Variants in KCNH1 observed in about 807,000 individuals in gnomAD.
KCNH1 encodes voltage-gated delayed rectifier potassium channel KCNH1.
KCNH1 carries 27 observed loss-of-function variants against 69.2 expected under a neutral mutation model. That is an observed-to-expected ratio of 0.39 (90% CI 0.29 to 0.54). The LOEUF (loss-of-function observed/expected upper bound fraction) is 0.54. Ranked by LOEUF, KCNH1 falls within the 20% of genes least tolerant of loss-of-function variation. The probability of loss-of-function intolerance (pLI) is 0.68; values close to 1 mark genes in which losing one functional copy is unlikely to be tolerated. For missense variants in KCNH1, 798 were observed against 1,261.6 expected (o/e 0.63, Z 5.57); for synonymous variants, 456 against 487.7 (o/e 0.93, Z 0.86).
At chr1:211,051,821 T>C (rs938558203) in intron 5 of KCNH1, among the ~76,000 whole-genome samples, 1 of 152,224 alleles carries the variant, frequency 6.6e-6, no homozygotes, top group Non-Finnish European at 1.5e-5. Flanking sequence ...ATTATACTTA[T>C]TTCATAAGAA....
intron 7 of KCNH1, among the ~76,000 whole-genome samples, chr1:210,911,756 A>T (rs1687236672): frequency 6.6e-6 from 1 of 152,182 alleles, no homozygotes; most frequent in South Asian, 2.1e-4. Flanking sequence ...AACTTGTTGT[A>T]AATTCCTCTG....
intron 6 of KCNH1, among the ~76,000 whole-genome samples, chr1:210,965,822 G>A (rs1688389296): frequency 6.6e-6 from 1 of 152,006 alleles, no homozygotes; most frequent in Non-Finnish European, 1.5e-5. Context: ...GTAATTGATA[G>A]ATTCAATGCT....
intron 10 of KCNH1, among the ~76,000 whole-genome samples, chr1:210,756,153 A>G (rs554657952): frequency 6.6e-6 from 1 of 152,244 alleles, no homozygotes; most frequent in Admixed American, 6.5e-5. Context: ...GCCTACTGCC[A>G]TCTGCCATAG....
intron 7 of KCNH1, among the ~76,000 whole-genome samples, chr1:210,914,632 G>A (rs896096644): frequency 6.6e-6 from 1 of 152,100 alleles, no homozygotes; most frequent in Non-Finnish European, 1.5e-5. Context: ...GTTGCTATGT[G>A]GGAGTTTCCA....
In KCNH1 at chr1:210,919,978, C is replaced by G; in HGVS notation, c.1124G>C (p.Gly375Ala). 1 of 1,614,146 alleles carries G rather than the reference C, an allele frequency of 6.2e-7. No individual in the cohort carries two copies. The highest frequency in any genetic ancestry group is 8.5e-7 in the Non-Finnish European group (1 of 1,180,020). ...CACCAGCAGGACCAGCACAGCAGCT[C>G]CATATTCAATGTAGTGGTCCAGCTT... ...ARKLDHYIEYGAAVLVLLVCV... is the reference protein window; with the variant it reads ...ARKLDHYIEYAAAVLVLLVCV... Residue 375 changes from glycine (G) to alanine (A), a missense_variant, in exon 7 of 11, where the codon GGA (glycine) becomes GCA (alanine). Gly to Ala is a moderately conservative substitution (Grantham distance 60, BLOSUM62 0). This residue lies in a region of KCNH1 where 4 missense variants were observed against 33.5 expected (regional missense o/e 0.12). Coordinates refer to ENST00000271751, the MANE Select transcript of KCNH1 (RefSeq NM_172362.3). The surrounding 1 kb of genome is among the most constrained non-coding windows in gnomAD (Gnocchi z 4.2).
intron 7 of KCNH1, among the ~76,000 whole-genome samples, chr1:210,821,280 T>C (rs2102426458): frequency 6.6e-6 from 1 of 152,316 alleles, no homozygotes; most frequent in East Asian, 1.9e-4. Flanking sequence ...ATAATGGAAC[T>C]GATATCACCA....
chr1:211,067,337 T>A (rs996274574), intron 5 of KCNH1, among the ~76,000 whole-genome samples: 1 of 152,192 alleles, frequency 6.6e-6, no homozygotes, highest in African/African-American at 2.4e-5. Flanking sequence ...AGCTGCTGGT[T>A]CCTAAGGGAC....
At chr1:210,686,109 A>G (rs1235649825) in intron 10 of KCNH1, among the ~76,000 whole-genome samples, 3 of 152,114 alleles carry the variant, frequency 2.0e-5, no homozygotes, top group Admixed American at 2.0e-4. Context: ...AACTGCCCCT[A>G]TAGTCTGCCT....
chr1:210,775,649 C>T, intron 9 of KCNH1, 105 bp from the exon 10 acceptor site: 1 of 765,092 alleles, frequency 1.3e-6, no homozygotes, highest in South Asian at 1.8e-5. Context: ...CAGCATTCTG[C>T]AGATTGGGCT....
chr1:210,908,771 T>C (rs1687166937), intron 7 of KCNH1, among the ~76,000 whole-genome samples: 1 of 152,144 alleles, frequency 6.6e-6, no homozygotes, highest in African/African-American at 2.4e-5. Flanking sequence ...CTGCTCTGGC[T>C]CAGCCACCCC....
At chr1:210,999,093 A>C (rs567955955) in intron 6 of KCNH1, among the ~76,000 whole-genome samples, 2 of 152,330 alleles carry the variant, frequency 1.3e-5, no homozygotes, top group South Asian at 4.1e-4. Flanking sequence ...CTGACATCAC[A>C]ATTAAAAGAA....
At chr1:211,016,359 A>G (rs1689491171) in intron 6 of KCNH1, among the ~76,000 whole-genome samples, 1 of 152,178 alleles carries the variant, frequency 6.6e-6, no homozygotes, top group Non-Finnish European at 1.5e-5. Context: ...CCAATTTTTA[A>G]TAAGAATCTG....
At position 211,018,890 on chromosome 1, in the gene KCNH1, T is replaced by G. The variant is rs2102414070; in HGVS notation, c.925A>C (p.Ile309Leu). Residue 309 changes from isoleucine to leucine, a missense_variant, in exon 6 of 11, where the codon ATC (isoleucine) becomes CTC (leucine). Physicochemically the swap from Ile to Leu is conservative, Grantham distance 5. This residue lies in a region of KCNH1 where 266 missense variants were observed against 457.2 expected (regional missense o/e 0.58). Transcript: ENST00000271751. ...TCATCCACGTTCTCAAAAGCGTTGA[T>G]GACATCATATGGCAAACAGGACAGA... ...DLLSCLPYDV[I>L]NAFENVDEVS... is the part of the protein sequence containing the mutation. 6.2e-7 allele frequency: 1 copy of G among 1,614,076 alleles called. No individual in the cohort carries two copies. The highest frequency in any genetic ancestry group is 8.5e-7 in the Non-Finnish European group (1 of 1,179,988).
rs183907111 is a variant in KCNH1 at position 210,914,522 on chromosome 1, G to A, written c.1462+5118C>T. ...CACAAAAGATACTGCTGGGCTGCAA[G>A]TGGGTAAGGTAATGGAGTCAAGTGT... On this transcript the variant is annotated intron_variant, in intron 7 of 10. Transcript: ENST00000271751. 2.6e-5 allele frequency among the ~76,000 whole-genome samples: 4 copies of A among 152,276 alleles called. No individual in the cohort carries two copies. The East Asian group carries it at 7.7e-4, about 29-fold the overall frequency.
At chr1:210,871,116 C>G (rs1278275553) in intron 7 of KCNH1, among the ~76,000 whole-genome samples, 1 of 152,156 alleles carries the variant, frequency 6.6e-6, no homozygotes, top group East Asian at 1.9e-4. Flanking sequence ...GAACAGGCAA[C>G]CTACAGAATG....
intron 6 of KCNH1, among the ~76,000 whole-genome samples, chr1:210,988,414 C>T (rs1244634361): frequency 6.6e-6 from 1 of 152,196 alleles, no homozygotes. Context: ...CCTATTCAGC[C>T]ATCTTGGCTC....
At chr1:210,711,430 G>T (rs909629456) in intron 10 of KCNH1, among the ~76,000 whole-genome samples, 1 of 152,154 alleles carries the variant, frequency 6.6e-6, no homozygotes, top group Non-Finnish European at 1.5e-5. Context: ...GCCTTAGCCC[G>T]GGGCCTATGG....
chr1:210,704,580 T>TATC (rs1681862239), intron 10 of KCNH1, among the ~76,000 whole-genome samples: 1 of 152,196 alleles, frequency 6.6e-6, no homozygotes, highest in Non-Finnish European at 1.5e-5. Flanking sequence ...GCACACACAT[T>TATC]ATCTCATTTG....
intron 5 of KCNH1, among the ~76,000 whole-genome samples, chr1:211,052,335 G>A (rs60869564): frequency 0.012 from 1,840 of 152,270 alleles, 38 homozygotes; most frequent in African/African-American, 0.041. Flanking sequence ...TGAAGCGGTC[G>A]TCCAAAACAC....
Sources: gnomAD v4.1 joint callset for allele counts (sites outside exome capture counted in the v4.1 genomes callset) on GRCh38, gnomAD v4.1.1 for gene constraint, gnomAD v4.1.1 regional missense constraint, Gnocchi (gnomAD v3.1) non-coding constraint, MANE v1.5 for transcripts, NCBI Gene and HGNC (gene_info 2026-07-23, HGNC 2026-07-21) for gene names.